KCNMA1: variants seen among roughly 807,000 people sequenced by gnomAD.
KCNMA1 encodes potassium calcium-activated channel subfamily M alpha 1, also known as Calcium-activated potassium channel subunit alpha-1.
A neutral mutation model predicts 140.0 loss-of-function variants in KCNMA1; 29 were observed. The observed-to-expected ratio is 0.21, with a 90% CI of 0.15 to 0.28. KCNMA1 has a LOEUF of 0.28. Among genes scored for constraint, KCNMA1 ranks in the 10% least tolerant of loss-of-function variants. The pLI, the probability that KCNMA1 is intolerant of heterozygous loss-of-function variation, is 1.00. For missense variants in KCNMA1, 880 were observed against 1,602.2 expected (o/e 0.55, Z 7.70); for synonymous variants, 612 against 611.9 (o/e 1.00, Z 0.00).
chr10:77,244,100 T>A (rs562256473), intron 3 of KCNMA1, among the ~76,000 whole-genome samples: 1 of 152,306 alleles, frequency 6.6e-6, no homozygotes, highest in South Asian at 2.1e-4. Flanking sequence ...CATGTCTTTG[T>A]TCATTTCTGT....
chr10:77,628,212 C>A (rs950236922), intron 1 of KCNMA1, among the ~76,000 whole-genome samples: 1 of 152,198 alleles, frequency 6.6e-6, no homozygotes, highest in African/African-American at 2.4e-5. Context: ...AAGATGCAGA[C>A]CCATCGTGGC....
intron 23 of KCNMA1, among the ~76,000 whole-genome samples, chr10:76,915,267 A>G (rs1296954602): frequency 6.6e-6 from 1 of 152,140 alleles, no homozygotes; most frequent in Non-Finnish European, 1.5e-5. Flanking sequence ...ATAGTTCCCT[A>G]AAAAATCCAG....
intron 5 of KCNMA1, among the ~76,000 whole-genome samples, chr10:77,160,766 T>C (rs1228373095): frequency 6.6e-6 from 1 of 152,248 alleles, no homozygotes; most frequent in African/African-American, 2.4e-5. Context: ...TCATGTCTTA[T>C]AAATGCACCT....
chr10:77,266,202 C>G (rs1359367651), intron 2 of KCNMA1, among the ~76,000 whole-genome samples: 1 of 151,726 alleles, frequency 6.6e-6, no homozygotes, highest in Non-Finnish European at 1.5e-5. Flanking sequence ...TCAGAAAGCA[C>G]CACAAATGAA....
intron 1 of KCNMA1, among the ~76,000 whole-genome samples, chr10:77,563,289 C>T (rs1286209057): frequency 6.6e-6 from 1 of 152,200 alleles, no homozygotes; most frequent in Non-Finnish European, 1.5e-5. Flanking sequence ...ACTTTCTGGA[C>T]ACATTGTCCC....
At chr10:76,954,006 A>G (rs1220117429) in intron 20 of KCNMA1, 82 bp from the exon 21 acceptor site, 5 of 1,431,024 alleles carry the variant, frequency 3.5e-6, no homozygotes, top group African/African-American at 1.4e-5. Context: ...TACATCTCAG[A>G]GGATGTGAAA....
chr10:77,309,017 C>T (rs1176527442), intron 2 of KCNMA1, among the ~76,000 whole-genome samples: 1 of 152,214 alleles, frequency 6.6e-6, no homozygotes, highest in African/African-American at 2.4e-5. Flanking sequence ...GCTCTTAAAG[C>T]CCTGTATTTC....
intron 1 of KCNMA1, among the ~76,000 whole-genome samples, chr10:77,460,977 G>A (rs575709679): frequency 6.6e-6 from 1 of 152,254 alleles, no homozygotes; most frequent in South Asian, 2.1e-4. Context: ...GTGGTGGCAT[G>A]CCACTGTAAT....
intron 2 of KCNMA1, among the ~76,000 whole-genome samples, chr10:77,298,520 G>T (rs1565819261): frequency 6.6e-6 from 1 of 152,136 alleles, no homozygotes; most frequent in Non-Finnish European, 1.5e-5. Context: ...GGGATTACAG[G>T]TGTGAGCCAC....
intron 1 of KCNMA1, among the ~76,000 whole-genome samples, chr10:77,623,277 G>A (rs1023469940): frequency 5.3e-5 from 8 of 152,136 alleles, no homozygotes; most frequent in South Asian, 2.1e-4. Flanking sequence ...TGCCTGTCAC[G>A]GGAAAATGAA....
chr10:76,904,164 T>A (rs1180812595), intron 25 of KCNMA1: 1 of 152,220 alleles, frequency 6.6e-6, no homozygotes, highest in East Asian at 1.9e-4. Context: ...AGGAGTAACA[T>A]CATTCCCATT....
intron 1 of KCNMA1, among the ~76,000 whole-genome samples, chr10:77,405,862 G>A (rs1046630307): frequency 3.3e-5 from 5 of 152,180 alleles, no homozygotes; most frequent in Admixed American, 6.5e-5. Flanking sequence ...AGGCAGGTGG[G>A]GAGGGTGCAC....
chr10:77,500,567 T>A (rs1024042659), intron 1 of KCNMA1, among the ~76,000 whole-genome samples: 1 of 152,094 alleles, frequency 6.6e-6, no homozygotes, highest in African/African-American at 2.4e-5. Flanking sequence ...GCAAAAGACA[T>A]TAAATAAGGC....
In KCNMA1 at chr10:77,250,991, A is replaced by T. The variant is rs945243114; in HGVS notation, c.602+204T>A. 48 of 602,780 alleles carry T rather than the reference A, an allele frequency of 8.0e-5. 2 individuals are homozygous for T. Among genetic ancestry groups the T allele is most frequent in the Middle Eastern group, 8.8e-4 (2 of 2,274 alleles). 37.3% of individuals were successfully genotyped at this position (602,780 alleles called of 1,614,324 possible). On this transcript the variant is annotated intron_variant, in intron 3 of 27. Transcript: ENST00000286628. Reference sequence around the variant, plus strand: ...TTGACCTCATATACCTCACCCTCCTATGCCAGCAGACTCAAAATAGCCTTC... The same window carrying T: ...TTGACCTCATATACCTCACCCTCCTTTGCCAGCAGACTCAAAATAGCCTTC...
At chr10:77,567,330 G>A (rs933516585) in intron 1 of KCNMA1, among the ~76,000 whole-genome samples, 3 of 152,228 alleles carry the variant, frequency 2.0e-5, no homozygotes. Flanking sequence ...CCACCCCGGT[G>A]GAGAGGCACG....
chr10:77,008,717 CT>C (rs2089897751), intron 18 of KCNMA1, among the ~76,000 whole-genome samples: 1 of 152,152 alleles, frequency 6.6e-6, no homozygotes, highest in Non-Finnish European at 1.5e-5. Flanking sequence ...GTCATGAGCT[CT>C]GCCCTCATGG....
intron 2 of KCNMA1, among the ~76,000 whole-genome samples, chr10:77,334,102 G>A (rs2087794839): frequency 6.6e-6 from 1 of 152,090 alleles, no homozygotes; most frequent in African/African-American, 2.4e-5. Flanking sequence ...TTTTCCACCA[G>A]GCTGCTTATT....
chr10:77,127,997 TAAA>T (rs974592811), intron 5 of KCNMA1, among the ~76,000 whole-genome samples: 7 of 149,814 alleles, frequency 4.7e-5, no homozygotes, highest in Admixed American at 1.3e-4. Flanking sequence ...ATTTAAAAAT[TAAA>T]AAAAAAATCC....
At chr10:77,349,342 T>G (rs1464675129) in intron 2 of KCNMA1, among the ~76,000 whole-genome samples, 4 of 152,192 alleles carry the variant, frequency 2.6e-5, no homozygotes, top group Non-Finnish European at 5.9e-5. Context: ...TGTCTTGACC[T>G]TGAACTTTCC....
Sources: gnomAD v4.1 joint callset for allele counts (sites outside exome capture counted in the v4.1 genomes callset) on GRCh38, gnomAD v4.1.1 for gene constraint, MANE v1.5 for transcripts, NCBI Gene and HGNC (gene_info 2026-07-23, HGNC 2026-07-21) for gene names.